Variants in PLCL2 observed in about 807,000 individuals in gnomAD.
PLCL2 encodes the protein phospholipase C like 2.
PLCL2 carries 4 observed loss-of-function variants against 79.6 expected under a neutral mutation model. That is an observed-to-expected ratio of 0.05 (90% CI 0.02 to 0.11). The LOEUF (loss-of-function observed/expected upper bound fraction) is 0.11, where lower values mean the gene tolerates loss of function less well. Among genes scored for constraint, PLCL2 ranks in the 10% least tolerant of loss-of-function variants. PLCL2 has a pLI of 1.00. For synonymous variants in PLCL2, 484 were observed against 457.7 expected (o/e 1.06, Z -0.73); for missense variants, 895 against 1,291.0 (o/e 0.69, Z 4.70).
chr3:17,049,091 T>C (rs1453695216), intron 4 of PLCL2, among the ~76,000 whole-genome samples: 2 of 147,544 alleles, frequency 1.4e-5, no homozygotes, highest in Non-Finnish European at 3.0e-5. Context: ...CTTGCACTTC[T>C]TGTGCAAAGT....
chr3:16,902,524 T>C (rs1696646227), intron 1 of PLCL2, among the ~76,000 whole-genome samples: 1 of 152,176 alleles, frequency 6.6e-6, no homozygotes, highest in African/African-American at 2.4e-5. Context: ...TAAGTGTAAC[T>C]TTCTCTCTAA....
chr3:17,021,595 T>TACACACACACACAC (rs35902619), intron 3 of PLCL2, among the ~76,000 whole-genome samples: 1 of 146,488 alleles, frequency 6.8e-6, no homozygotes, highest in African/African-American at 2.6e-5. Context: ...AAAGTATTCT[T>TACACACACACACAC]ACACACACAC....
At chr3:17,012,276 A>G in intron 2 of PLCL2, 116 bp downstream of exon 2, 1 of 908,924 alleles carries the variant, frequency 1.1e-6, no homozygotes, top group Non-Finnish European at 1.6e-6. Context: ...TTAAATTCTG[A>G]TTAGTTCTTA....
intron 1 of PLCL2, among the ~76,000 whole-genome samples, chr3:16,920,725 G>A (rs1697106595): frequency 6.6e-6 from 1 of 152,006 alleles, no homozygotes; most frequent in Non-Finnish European, 1.5e-5. Flanking sequence ...TTAACCATAG[G>A]CCACTCAGTT....
chr3:17,080,510 G>C (rs1281411233), intron 5 of PLCL2, among the ~76,000 whole-genome samples: 2 of 152,066 alleles, frequency 1.3e-5, no homozygotes, highest in African/African-American at 4.8e-5. Flanking sequence ...GAGTGCAGTG[G>C]TGTGATCTTG....
chr3:16,907,617 T>G (rs1458136677), intron 1 of PLCL2, among the ~76,000 whole-genome samples: 1 of 152,198 alleles, frequency 6.6e-6, no homozygotes, highest in South Asian at 2.1e-4. Context: ...TGAGTCAGAC[T>G]GGGGGGTCAC....
chr3:16,906,522 C>G (rs1316930809), intron 1 of PLCL2, among the ~76,000 whole-genome samples: 1 of 152,070 alleles, frequency 6.6e-6, no homozygotes, highest in Non-Finnish European at 1.5e-5. Flanking sequence ...AATCAAATTT[C>G]AGTTTTTAAA....
chr3:16,889,249 G>C (rs150490840), intron 1 of PLCL2, among the ~76,000 whole-genome samples: 110 of 152,238 alleles, frequency 7.2e-4, no homozygotes, highest in African/African-American at 2.1e-3. Flanking sequence ...TGTGCCCCAG[G>C]TGCTGGAGCT....
At chr3:17,084,382 C>T (rs1029682062) in intron 5 of PLCL2, among the ~76,000 whole-genome samples, 3 of 152,184 alleles carry the variant, frequency 2.0e-5, no homozygotes, top group African/African-American at 7.2e-5. Flanking sequence ...CAATTCTCTA[C>T]AATATCTTCC....
intron 4 of PLCL2, among the ~76,000 whole-genome samples, chr3:17,053,621 G>A (rs891483868): frequency 1.3e-5 from 2 of 152,142 alleles, no homozygotes; most frequent in Non-Finnish European, 2.9e-5. Context: ...AGTTTGATCT[G>A]AACAAGGCAA....
intron 1 of PLCL2, among the ~76,000 whole-genome samples, chr3:16,893,588 G>C (rs1696401062): frequency 6.6e-6 from 1 of 152,172 alleles, no homozygotes; most frequent in Non-Finnish European, 1.5e-5. Flanking sequence ...TTTGTAGTTA[G>C]AGATACACAA....
chr3:17,050,091 G>T (rs547125726), intron 4 of PLCL2, among the ~76,000 whole-genome samples: 1 of 152,136 alleles, frequency 6.6e-6, no homozygotes, highest in Non-Finnish European at 1.5e-5. Flanking sequence ...AAAACACAGT[G>T]TCTTCAGTAA....
intron 4 of PLCL2, among the ~76,000 whole-genome samples, chr3:17,052,255 T>TAAAAAGGG (rs1553648887): frequency 7.9e-6 from 1 of 126,434 alleles, no homozygotes; most frequent in Admixed American, 8.0e-5. Flanking sequence ...AAAAAAAAAT[T>TAAAAAGGG]GGGGGGGGGT....
At chr3:16,996,945 C>T (rs1451318311) in intron 1 of PLCL2, among the ~76,000 whole-genome samples, 8 of 152,046 alleles carry the variant, frequency 5.3e-5, no homozygotes, top group Admixed American at 3.3e-4. Flanking sequence ...TCCAAAAGAC[C>T]TCTTGTACTG....
At chr3:17,005,162 A>G (rs2064248906) in intron 1 of PLCL2, among the ~76,000 whole-genome samples, 2 of 152,180 alleles carry the variant, frequency 1.3e-5, no homozygotes, top group Admixed American at 1.3e-4. Flanking sequence ...GAGTCTTTCA[A>G]GTGGAAGTCT....
At position 16,985,951 on chromosome 3, in the gene PLCL2, G is replaced by A. The variant is rs981618066; in HGVS notation, c.328-23723G>A. Among the ~76,000 whole-genome samples the A allele has an allele frequency of 5.3e-5, 8 of 152,184 alleles. No individual in the cohort carries two copies. In the South Asian group the frequency reaches 1.7e-3, roughly 32 times the overall value. ...AGGAAGAGAACAAAATAAAAAGCTA[G>A]TTAATGGAACCATGACATAAGAAGC... On this transcript the variant is annotated intron_variant, in intron 1 of 5. Transcript: ENST00000615277.
intron 1 of PLCL2, among the ~76,000 whole-genome samples, chr3:16,893,429 A>G (rs1300845285): frequency 6.6e-6 from 1 of 152,184 alleles, no homozygotes; most frequent in Non-Finnish European, 1.5e-5. Flanking sequence ...TGTGTAGTCA[A>G]TATTCAGTAT....
At chr3:16,919,808 C>T (rs1358304723) in intron 1 of PLCL2, among the ~76,000 whole-genome samples, 1 of 152,122 alleles carries the variant, frequency 6.6e-6, no homozygotes, top group Non-Finnish European at 1.5e-5. Flanking sequence ...TTGGCACATG[C>T]ATAAGTGTTC....
intron 5 of PLCL2, among the ~76,000 whole-genome samples, chr3:17,071,200 G>C (rs563925500): frequency 6.6e-6 from 1 of 152,260 alleles, no homozygotes; most frequent in African/African-American, 2.4e-5. Flanking sequence ...CTAAAACCAG[G>C]ACAATCTGGG....
Sources: allele counts gnomAD v4.1 joint callset (sites outside exome capture counted in the v4.1 genomes callset), GRCh38; gene constraint gnomAD v4.1.1; transcripts MANE v1.5; gene names NCBI Gene and HGNC (gene_info 2026-07-23, HGNC 2026-07-21).